Variants in ELL2 observed in about 807,000 individuals in gnomAD.
ELL2 encodes the protein RNA polymerase II elongation factor ELL2.
ELL2 carries 21 observed loss-of-function variants against 72.8 expected under a neutral mutation model. The ratio of observed to expected loss-of-function variants is 0.29; its 90% CI spans 0.20 to 0.42. The LOEUF (loss-of-function observed/expected upper bound fraction) is 0.42, where lower values mean the gene tolerates loss of function less well. Among genes scored for constraint, ELL2 ranks in the 10% least tolerant of loss-of-function variants. The pLI is 1.00. For missense variants in ELL2, 568 were observed against 772.8 expected, an observed-to-expected ratio of 0.73 and a Z score of 3.14; for synonymous variants, 266 against 283.2, an observed-to-expected ratio of 0.94 and a Z score of 0.61.
intron 3 of ELL2, among the ~76,000 whole-genome samples, 166 bp from the exon 4 acceptor site, chr5:95,914,100 T>C (rs543115964): frequency 6.6e-6 from 1 of 152,098 alleles, no homozygotes; most frequent in Non-Finnish European, 1.5e-5. Context: ...TCTAAGATCC[T>C]TCTCTTCACT....
At chr5:95,950,884 A>G (rs1309318741) in intron 1 of ELL2, among the ~76,000 whole-genome samples, 6 of 115,000 alleles carry the variant, frequency 5.2e-5, no homozygotes, top group Non-Finnish European at 8.5e-5. Flanking sequence ...ATTTATATAT[A>G]TATATGTATG....
chr5:95,892,271 TG>T (rs1748695221), intron 9 of ELL2, among the ~76,000 whole-genome samples: 2 of 152,164 alleles, frequency 1.3e-5, no homozygotes, highest in South Asian at 4.1e-4. Context: ...CTCAGCCTCC[TG>T]AGTAGCTGAG....
chr5:95,923,453 C>T (rs1017449447), intron 2 of ELL2, among the ~76,000 whole-genome samples: 6 of 152,142 alleles, frequency 3.9e-5, no homozygotes, highest in African/African-American at 9.7e-5. Context: ...TTGAGCAGTA[C>T]GCAGACACGG....
chr5:95,914,043 C>T, intron 3 of ELL2, 109 bp from the exon 4 acceptor site: 2 of 859,214 alleles, frequency 2.3e-6, no homozygotes, highest in Non-Finnish European at 3.3e-6. Context: ...GTTTGCAATC[C>T]TAAAATAACT....
chr5:95,942,322 ATTAAT>A (rs1561511498), intron 2 of ELL2, among the ~76,000 whole-genome samples: 1 of 152,156 alleles, frequency 6.6e-6, no homozygotes, highest in Non-Finnish European at 1.5e-5. Flanking sequence ...TAGAATACAT[ATTAAT>A]TTAAATGAAG....
At chr5:95,892,762 G>T (rs754831893) in intron 9 of ELL2, among the ~76,000 whole-genome samples, 1 of 152,178 alleles carries the variant, frequency 6.6e-6, no homozygotes, top group Non-Finnish European at 1.5e-5. Context: ...GAAAAGTGAT[G>T]CAGTGAGCAA....
Position 95,958,010 on chromosome 5 carries a change from C to G in ELL2, c.147+3565G>C, listed in dbSNP as rs1751682014. Among the ~76,000 whole-genome samples, 3 of 152,150 alleles carry G rather than the reference C, an allele frequency of 2.0e-5. 1 individual carries two copies. The South Asian group carries it at 6.2e-4, about 31-fold the overall frequency. ...AAGAATTCTCTGATGCTTAATTTAG[C>G]AAATTAACCTGTTGAAATTTCTGGC... On this transcript the variant is annotated intron_variant, in intron 1 of 11. Coordinates refer to ENST00000237853, the MANE Select transcript of ELL2 (RefSeq NM_012081.6).
chr5:95,922,035 A>G (rs1384873774), intron 2 of ELL2, among the ~76,000 whole-genome samples: 2 of 151,948 alleles, frequency 1.3e-5, no homozygotes, highest in African/African-American at 2.4e-5. Context: ...CTATCAGAGA[A>G]TGTAAGACCA....
Position 95,959,101 on chromosome 5 carries a change from C to T in ELL2, c.147+2474G>A, listed in dbSNP as rs569889694. Among the ~76,000 whole-genome samples the T allele has an allele frequency of 2.0e-5, 3 of 152,290 alleles. No individual in the cohort carries two copies. In the East Asian group the frequency reaches 5.8e-4, roughly 29 times the overall value. The stretch of plus-strand genomic sequence containing the variant: ...AGGTAGGAAAACAAAGCACTCCCTT[C>T]TGGGGCCTCCAGTGGTCATGCAGAT... On this transcript the variant is annotated intron_variant, in intron 1 of 11. Coordinates refer to ENST00000237853, the MANE Select transcript of ELL2 (RefSeq NM_012081.6).
At position 95,961,416 on chromosome 5, in the gene ELL2, C is replaced by A. The variant is rs1751846371; in HGVS notation, c.147+159G>T. ...CGCCCAGGCTAGCCCGGGACCGCGGCGTCAGCCACCCTGCCCGGCCCTGCC... is the reference window on the plus strand; with the variant it reads ...CGCCCAGGCTAGCCCGGGACCGCGGAGTCAGCCACCCTGCCCGGCCCTGCC... On this transcript the variant is annotated intron_variant, in intron 1 of 11. Transcript: ENST00000237853. Among the ~76,000 whole-genome samples the A allele has an allele frequency of 2.6e-5, 4 of 151,768 alleles. No individual in the cohort carries two copies. The South Asian group carries it at 8.3e-4, about 31-fold the overall frequency.
At chr5:95,952,763 T>C (rs1295831129) in intron 1 of ELL2, among the ~76,000 whole-genome samples, 1 of 152,170 alleles carries the variant, frequency 6.6e-6, no homozygotes, top group Non-Finnish European at 1.5e-5. Flanking sequence ...GATCTGGAGA[T>C]AAATATTTGG....
intron 2 of ELL2, among the ~76,000 whole-genome samples, chr5:95,930,850 T>A (rs542909094): frequency 5.4e-4 from 82 of 152,142 alleles, no homozygotes; most frequent in Non-Finnish European, 9.7e-4. Flanking sequence ...TAAATTGTAG[T>A]CAAATCTTAA....
At chr5:95,932,567 G>A (rs147442411) in intron 2 of ELL2, 38 of 152,230 alleles carry the variant, frequency 2.5e-4, no homozygotes, top group African/African-American at 8.2e-4. Flanking sequence ...ATACCACAGA[G>A]TCCCTCTAAA....
At chr5:95,942,919 A>C in intron 2 of ELL2, 83 bp downstream of exon 2, 1 of 1,036,260 alleles carries the variant, frequency 9.7e-7, no homozygotes, top group Non-Finnish European at 1.3e-6. Flanking sequence ...TTATAATAAA[A>C]GGGTCAACTG....
chr5:95,929,837 G>C (rs1207524855), intron 2 of ELL2, among the ~76,000 whole-genome samples: 1 of 151,536 alleles, frequency 6.6e-6, no homozygotes, highest in African/African-American at 2.4e-5. Flanking sequence ...CCTGCTGTGT[G>C]GTACAAATGT....
chr5:95,929,156 G>A (rs1288105329), intron 2 of ELL2, among the ~76,000 whole-genome samples: 5 of 152,014 alleles, frequency 3.3e-5, no homozygotes, highest in Non-Finnish European at 7.4e-5. Flanking sequence ...GGCGCTCATC[G>A]CTATTGCTGC....
At chr5:95,949,732 T>C (rs1437833596) in intron 1 of ELL2, among the ~76,000 whole-genome samples, 2 of 151,470 alleles carry the variant, frequency 1.3e-5, no homozygotes, top group African/African-American at 4.9e-5. Context: ...ATGTCAAATA[T>C]AATTTTGGAA....
At chr5:95,921,464 T>C (rs1750083065) in intron 2 of ELL2, among the ~76,000 whole-genome samples, 1 of 152,218 alleles carries the variant, frequency 6.6e-6, no homozygotes, top group South Asian at 2.1e-4. Flanking sequence ...ACGTTACTCT[T>C]TAATTCCCAA....
intron 1 of ELL2, among the ~76,000 whole-genome samples, chr5:95,955,925 A>G (rs1258413197): frequency 4.6e-5 from 7 of 152,008 alleles, no homozygotes. Flanking sequence ...ACAAATTGTT[A>G]AAAGTGACCT....
Sources: gnomAD v4.1 joint callset for allele counts (sites outside exome capture counted in the v4.1 genomes callset) on GRCh38, gnomAD v4.1.1 for gene constraint, MANE v1.5 for transcripts, NCBI Gene and HGNC (gene_info 2026-07-23, HGNC 2026-07-21) for gene names.